CACNA1C: variants seen among roughly 807,000 people sequenced by gnomAD.
CACNA1C encodes voltage-dependent L-type calcium channel subunit alpha-1C.
CACNA1C carries 30 observed loss-of-function variants against 229.0 expected under a neutral mutation model. The observed-to-expected ratio is 0.13, with a 90% confidence interval of 0.10 to 0.18. The LOEUF (loss-of-function observed/expected upper bound fraction) is 0.18. Among genes scored for constraint, CACNA1C ranks in the 10% least tolerant of loss-of-function variants. The pLI, the probability that CACNA1C is intolerant of heterozygous loss-of-function variation, is 1.00. For missense variants in CACNA1C, 1,658 were observed against 2,845.0 expected (o/e 0.58, Z 9.49); for synonymous variants, 1,114 against 1,132.5 (o/e 0.98, Z 0.33).
At chr12:2,433,105 A>T (rs2099101908) in intron 3 of CACNA1C, among the ~76,000 whole-genome samples, 1 of 152,206 alleles carries the variant, frequency 6.6e-6, no homozygotes, top group South Asian at 2.1e-4. Flanking sequence ...ACCATATGGT[A>T]AGGGTGTCCA....
At position 2,442,510 on chromosome 12, in the gene CACNA1C, G is replaced by A. The variant is rs535273007; in HGVS notation, c.478-6466G>A. Among the ~76,000 whole-genome samples the A allele has an allele frequency of 3.9e-5, 6 of 152,346 alleles. No individual in the cohort carries two copies. In the East Asian group the frequency reaches 1.2e-3, roughly 29 times the overall value. On this transcript the variant is annotated intron_variant, in intron 3 of 46. Coordinates refer to ENST00000399655, the MANE Select transcript of CACNA1C (RefSeq NM_000719.7). ...GAGCTATCTGTGGGCAAGGTCATCA[G>A]CCTGCCTCAAGGCTGGCAGGGATCC...
chr12:2,044,626 G>A (rs1005271142), intron 1 of CACNA1C, among the ~76,000 whole-genome samples: 1 of 152,190 alleles, frequency 6.6e-6, no homozygotes, highest in African/African-American at 2.4e-5. Flanking sequence ...TATTCTTTTA[G>A]ATTTCAGGGA....
At chr12:2,011,155 A>AT in intron 1 of CACNA1C, 1 of 138,640 alleles carries the variant, frequency 7.2e-6, no homozygotes, top group Non-Finnish European at 1.5e-5. Flanking sequence ...GAGTCTCAAA[A>AT]AAAAAAAAAA....
At chr12:2,071,769 C>G (rs1160706309) in intron 1 of CACNA1C, among the ~76,000 whole-genome samples, 2 of 152,204 alleles carry the variant, frequency 1.3e-5, no homozygotes, top group African/African-American at 4.8e-5. Flanking sequence ...TTTGCAATTT[C>G]AATGACATTT....
At chr12:2,341,204 T>G (rs1003284621) in intron 3 of CACNA1C, among the ~76,000 whole-genome samples, 1 of 152,118 alleles carries the variant, frequency 6.6e-6, no homozygotes, top group African/African-American at 2.4e-5. Context: ...AGATCCTGGT[T>G]CCTCCCTGCA....
chr12:2,143,401 A>C (rs1358783286), intron 3 of CACNA1C, among the ~76,000 whole-genome samples: 3 of 151,254 alleles, frequency 2.0e-5, no homozygotes, highest in Non-Finnish European at 4.4e-5. Context: ...AGCAACTTTC[A>C]GTCCTGCAAG....
At chr12:2,159,204 T>C (rs1488880369) in intron 3 of CACNA1C, among the ~76,000 whole-genome samples, 1 of 152,086 alleles carries the variant, frequency 6.6e-6, no homozygotes, top group East Asian at 1.9e-4. Context: ...CTTTAAATTA[T>C]GTGTATAGGC....
At chr12:2,155,297 T>C (rs537802501) in intron 3 of CACNA1C, among the ~76,000 whole-genome samples, 1 of 152,108 alleles carries the variant, frequency 6.6e-6, no homozygotes, top group South Asian at 2.1e-4. Context: ...CCGGAGATCA[T>C]GTACTAGAAC....
At chr12:2,446,584 T>C (rs2154562269) in intron 3 of CACNA1C, among the ~76,000 whole-genome samples, 1 of 148,960 alleles carries the variant, frequency 6.7e-6, no homozygotes, top group Admixed American at 6.7e-5. Flanking sequence ...AATGGATGGA[T>C]GGATGAATGG....
rs2080168651 is a variant in CACNA1C, at chr12:2,108,518, G to A, written c.50-6706G>A. 6.6e-6 allele frequency among the ~76,000 whole-genome samples: 1 copy of A among 152,214 alleles called. No homozygotes were observed. The highest frequency in any genetic ancestry group is 1.5e-5 in the Non-Finnish European group (1 of 68,026). The stretch of plus-strand genomic sequence containing the variant: ...TTGATTCAGTTCTTGATTGGCAAAA[G>A]TTGTGTCAGGAATTCTCGCTCCAAG... On this transcript the variant is annotated intron_variant, in intron 1 of 46. Transcript: ENST00000399655. This position sits in a 1 kb window ranked among gnomAD's most constrained non-coding sequence, Gnocchi z 5.3.
intron 1 of CACNA1C, among the ~76,000 whole-genome samples, chr12:2,069,541 C>T (rs2060475655): frequency 6.6e-6 from 1 of 152,202 alleles, no homozygotes. Flanking sequence ...AAGATACAGC[C>T]ATATCTGGGA....
chr12:2,544,642 T>C (rs1194441738), intron 9 of CACNA1C, among the ~76,000 whole-genome samples: 1 of 152,230 alleles, frequency 6.6e-6, no homozygotes, highest in Admixed American at 6.5e-5. Context: ...TTATTCCTAT[T>C]ATGTAAAACT....
At chr12:2,176,831 A>G (rs752898768) in intron 3 of CACNA1C, among the ~76,000 whole-genome samples, 6 of 152,110 alleles carry the variant, frequency 3.9e-5, no homozygotes, top group Non-Finnish European at 8.8e-5. Context: ...CTATCACTTG[A>G]CCCATCTTCT....
rs1490837859 is a variant in CACNA1C, at chr12:2,608,743, G to A, written c.3558+31G>A. ...TTCCTAGGAAGGAGCGGAGGGAAGC[G>A]GGGCCCACGGAGGGAATGGCAGCCT... On this transcript the variant is annotated intron_variant, in intron 27 of 46. Transcript: ENST00000399655. This position sits in a 1 kb window ranked among gnomAD's most constrained non-coding sequence, Gnocchi z 4.2. The A allele has an allele frequency of 9.9e-6, 16 of 1,609,242 alleles. No individual in the cohort carries two copies. Among genetic ancestry groups the A allele is most frequent in the Middle Eastern group, 1.6e-4 (1 of 6,076 alleles).
At chr12:2,312,644 C>A (rs1241339832) in intron 3 of CACNA1C, among the ~76,000 whole-genome samples, 1 of 152,130 alleles carries the variant, frequency 6.6e-6, no homozygotes, top group Non-Finnish European at 1.5e-5. Flanking sequence ...CAGGATAATG[C>A]CCAGAACTAA....
At position 2,137,860 on chromosome 12, in the gene CACNA1C, G is replaced by T. The variant is rs1007038435; in HGVS notation, c.477+17430G>T. Reference sequence around the variant, plus strand: ...CAACCTGCCTGCTGCCAAGAGTCTGGCAGGGCTGCCGGGGTCCGGGAGCGC... The same window carrying T: ...CAACCTGCCTGCTGCCAAGAGTCTGTCAGGGCTGCCGGGGTCCGGGAGCGC... On this transcript the variant is annotated intron_variant, in intron 3 of 46. Coordinates refer to ENST00000399655, the MANE Select transcript of CACNA1C (RefSeq NM_000719.7). Among the ~76,000 whole-genome samples, 4 of 151,402 alleles carry T rather than the reference G, an allele frequency of 2.6e-5. 1 individual carries two copies. The highest frequency in any genetic ancestry group is 5.9e-5 in the Non-Finnish European group (4 of 67,658).
chr12:2,123,554 C>A (rs1014144798), intron 3 of CACNA1C, among the ~76,000 whole-genome samples: 1 of 152,016 alleles, frequency 6.6e-6, no homozygotes. Flanking sequence ...CTCAAACAAG[C>A]CCCAAATAGA....
At chr12:2,571,250 A>G (rs1045730928) in intron 13 of CACNA1C, among the ~76,000 whole-genome samples, 3 of 152,158 alleles carry the variant, frequency 2.0e-5, no homozygotes, top group Admixed American at 2.0e-4. Flanking sequence ...TTGAGGTGCT[A>G]TACTCCTAAC....
intron 13 of CACNA1C, among the ~76,000 whole-genome samples, chr12:2,577,941 T>A (rs1321028100): frequency 6.6e-6 from 1 of 150,440 alleles, no homozygotes; most frequent in African/African-American, 2.5e-5. Context: ...CGATCTCGGC[T>A]CACTGCAAGC....
Sources: gnomAD v4.1 joint callset for allele counts (sites outside exome capture counted in the v4.1 genomes callset) on GRCh38, gnomAD v4.1.1 for gene constraint, Gnocchi (gnomAD v3.1) non-coding constraint, MANE v1.5 for transcripts, NCBI Gene and HGNC (gene_info 2026-07-23, HGNC 2026-07-21) for gene names.